The following DNAH3 variants were observed in gnomAD, a reference collection of about 807,000 sequenced individuals.
The protein encoded by DNAH3 is axonemal beta dynein heavy chain 3.
DNAH3 carries 332 observed loss-of-function variants against 432.5 expected under a neutral mutation model. That is an observed-to-expected ratio of 0.77 (90% CI 0.70 to 0.84). The LOEUF (loss-of-function observed/expected upper bound fraction) is 0.84. Ranked by LOEUF, DNAH3 falls within the 40% of genes least tolerant of loss-of-function variation. The pLI is 0.00. For missense variants in DNAH3, 4,861 were observed against 5,114.0 expected (o/e 0.95, Z 1.51); for synonymous variants, 1,956 against 1,900.2 (o/e 1.03, Z -0.76).
intron 15 of DNAH3, among the ~76,000 whole-genome samples, chr16:21,105,617 T>C (rs1342587755): frequency 6.6e-6 from 1 of 151,720 alleles, no homozygotes; most frequent in Non-Finnish European, 1.5e-5. Context: ...AATACAAAAA[T>C]TAGTTGGGCG....
At chr16:21,017,736 T>A (rs2087932189) in intron 41 of DNAH3, among the ~76,000 whole-genome samples, 1 of 152,198 alleles carries the variant, frequency 6.6e-6, no homozygotes, top group South Asian at 2.1e-4. Context: ...GTTCACAATC[T>A]GACAGATGGC....
chr16:21,074,627 T>A (rs954578005), intron 21 of DNAH3, among the ~76,000 whole-genome samples: 12 of 152,024 alleles, frequency 7.9e-5, no homozygotes, highest in African/African-American at 2.9e-4. Flanking sequence ...GGTATGAGAA[T>A]CGCTTGAGCC....
intron 52 of DNAH3, among the ~76,000 whole-genome samples, chr16:20,969,294 G>A (rs921171194): frequency 3.1e-5 from 4 of 128,490 alleles, no homozygotes; most frequent in Admixed American, 7.6e-5. Flanking sequence ...GTGTGTGCAT[G>A]TGTGTGTGTG....
chr16:21,115,251 G>A (rs1181230570), intron 12 of DNAH3, among the ~76,000 whole-genome samples: 1 of 152,110 alleles, frequency 6.6e-6, no homozygotes, highest in East Asian at 1.9e-4. Context: ...ATGGGGTTGG[G>A]GGATCGGGGA....
At chr16:20,999,469 G>A (rs1322811485) in intron 43 of DNAH3, among the ~76,000 whole-genome samples, 1 of 152,152 alleles carries the variant, frequency 6.6e-6, no homozygotes, top group Non-Finnish European at 1.5e-5. Flanking sequence ...GAATACATGA[G>A]TTTTAAAGGC....
At chr16:20,960,847 C>G (rs1203569917) in intron 53 of DNAH3, among the ~76,000 whole-genome samples, 2 of 152,214 alleles carry the variant, frequency 1.3e-5, no homozygotes, top group East Asian at 3.9e-4. Flanking sequence ...TAAGTTTATG[C>G]CACATGAATT....
At chr16:20,989,718 G>C (rs890139230) in intron 44 of DNAH3, among the ~76,000 whole-genome samples, 1 of 152,242 alleles carries the variant, frequency 6.6e-6, no homozygotes, top group African/African-American at 2.4e-5. Flanking sequence ...GGAGGCTTGG[G>C]CCGCACAGAG....
At chr16:20,988,332 T>C (rs2086315841) in intron 44 of DNAH3, among the ~76,000 whole-genome samples, 1 of 152,240 alleles carries the variant, frequency 6.6e-6, no homozygotes, top group African/African-American at 2.4e-5. Context: ...TATTGCTCAG[T>C]ACAGATATAG....
At chr16:21,024,494 G>C in intron 39 of DNAH3, 102 bp downstream of exon 39, 1 of 778,552 alleles carries the variant, frequency 1.3e-6, no homozygotes. Flanking sequence ...CCTGCCCCTT[G>C]TTGCCTCCAG....
At chr16:20,968,466 G>A (rs962704964) in intron 52 of DNAH3, among the ~76,000 whole-genome samples, 10 of 152,158 alleles carry the variant, frequency 6.6e-5, no homozygotes, top group Non-Finnish European at 1.5e-4. Flanking sequence ...TAGATTTGGA[G>A]GTGATTTTTA....
At chr16:21,078,913 T>C (rs186792168) in intron 20 of DNAH3, among the ~76,000 whole-genome samples, 63 of 152,318 alleles carry the variant, frequency 4.1e-4, no homozygotes, top group African/African-American at 1.4e-3. Flanking sequence ...ATGGAATCAG[T>C]TCAGGTGACA....
At chr16:21,019,554 ATTCTGGTTGTGTT>A in intron 41 of DNAH3, 57 bp downstream of exon 41, 1 of 1,572,220 alleles carries the variant, frequency 6.4e-7, no homozygotes, top group South Asian at 1.2e-5. Flanking sequence ...CTGTCTGCAC[ATTCTGGTTGTGTT>A]TAGAACACGT....
chr16:21,019,749 G>A (rs758642151), exon 41 of DNAH3: 2 of 1,614,030 alleles, frequency 1.2e-6, no homozygotes, highest in Non-Finnish European at 1.7e-6. Flanking sequence ...TGCGTTGATG[G>A]TGCCAGCCAC....
intron 44 of DNAH3, among the ~76,000 whole-genome samples, chr16:20,990,135 GGAGCCCAGGCAGAGGAGGCGCCCAGAGC>G (rs1489470422): frequency 6.6e-6 from 1 of 152,222 alleles, no homozygotes; most frequent in Admixed American, 6.5e-5. Context: ...CGCCAAAGTG[GGAGCCCAGGCAGAGGAGGCGCCCAGAGC>G]GAGCCAGGGC....
At chr16:20,965,488 C>T in intron 52 of DNAH3, 63 bp from the exon 53 acceptor site, 1 of 1,364,814 alleles carries the variant, frequency 7.3e-7, no homozygotes. Flanking sequence ...TAAAATTCTG[C>T]AGTGGTTACT....
At chr16:20,983,957 G>A (rs1419685666) in intron 48 of DNAH3, among the ~76,000 whole-genome samples, 1 of 149,632 alleles carries the variant, frequency 6.7e-6, no homozygotes, top group East Asian at 2.0e-4. Flanking sequence ...AGCCCAGGAA[G>A]TTGAGCCTGC....
At chr16:20,996,316 T>A (rs1330267366) in intron 44 of DNAH3, among the ~76,000 whole-genome samples, 1 of 151,592 alleles carries the variant, frequency 6.6e-6, no homozygotes, top group African/African-American at 2.4e-5. Flanking sequence ...TTAAATTATA[T>A]GTTGTTGATC....
chr16:21,038,088 T>C, intron 33 of DNAH3, 108 bp from the exon 34 acceptor site: 5 of 837,266 alleles, frequency 6.0e-6, no homozygotes, highest in African/African-American at 1.7e-5. Flanking sequence ...GGCATGCCCA[T>C]GGACTTGATG....
intron 1 of DNAH3, among the ~76,000 whole-genome samples, chr16:21,152,937 C>T (rs1330090823): frequency 2.0e-5 from 3 of 152,226 alleles, no homozygotes; most frequent in Non-Finnish European, 4.4e-5. Context: ...ACCCCCTGCT[C>T]CACGGCGCCC....
Sources: allele counts gnomAD v4.1 joint callset (sites outside exome capture counted in the v4.1 genomes callset), GRCh38; gene constraint gnomAD v4.1.1; transcripts MANE v1.5; gene names NCBI Gene and HGNC (gene_info 2026-07-23, HGNC 2026-07-21).